The following SYN3 variants were observed in gnomAD, a reference collection of about 807,000 sequenced individuals.
SYN3 encodes the protein synapsin-3.
A neutral mutation model predicts 65.8 loss-of-function variants in SYN3; 35 were observed. That is an observed-to-expected ratio of 0.53 (90% CI 0.41 to 0.70). The LOEUF (loss-of-function observed/expected upper bound fraction) is 0.70, where lower values mean the gene tolerates loss of function less well. Ranked by LOEUF, SYN3 falls within the 30% of genes least tolerant of loss-of-function variation. The pLI is 0.00. For missense variants in SYN3, 680 were observed against 749.0 expected (o/e 0.91, Z 1.08); for synonymous variants, 270 against 292.9 (o/e 0.92, Z 0.80).
intron 6 of SYN3, among the ~76,000 whole-genome samples, chr22:32,663,160 T>G (rs1384828248): frequency 2.0e-5 from 3 of 152,188 alleles, no homozygotes; most frequent in Non-Finnish European, 4.4e-5. Flanking sequence ...CATGGTTGTG[T>G]AAGAGGAAAC....
At chr22:32,984,677 TA>T (rs552918659) in intron 2 of SYN3, among the ~76,000 whole-genome samples, 129 of 152,304 alleles carry the variant, frequency 8.5e-4, no homozygotes, top group Admixed American at 1.9e-3. Context: ...GAGGTGTGGC[TA>T]ATAAGGACCA....
chr22:32,677,536 T>C (rs5998574), intron 6 of SYN3, among the ~76,000 whole-genome samples: 51,912 of 152,026 alleles, frequency 0.34, 10,958 homozygotes, highest in East Asian at 0.67. Context: ...CGGTGGCTCA[T>C]GCCTGTAATC....
At chr22:32,572,491 T>TC (rs2058790935) in intron 7 of SYN3, among the ~76,000 whole-genome samples, 2 of 11,680 alleles carry the variant, frequency 1.7e-4, no homozygotes, top group East Asian at 3.6e-3. Flanking sequence ...CCCTTCCTTT[T>TC]CTTCCTTCCT....
chr22:32,676,681 C>T (rs2060449581), intron 6 of SYN3, among the ~76,000 whole-genome samples: 1 of 150,360 alleles, frequency 6.7e-6, no homozygotes, highest in South Asian at 2.1e-4. Context: ...GGACTACAGG[C>T]ACCCACCACC....
chr22:32,813,351 G>A (rs1306014622), intron 6 of SYN3, among the ~76,000 whole-genome samples: 1 of 152,172 alleles, frequency 6.6e-6, no homozygotes, highest in Non-Finnish European at 1.5e-5. Context: ...GAACCGTACA[G>A]TCCAGGTCCC....
chr22:32,663,401 C>T (rs2060245348), intron 6 of SYN3, among the ~76,000 whole-genome samples: 2 of 151,730 alleles, frequency 1.3e-5, no homozygotes, highest in Non-Finnish European at 2.9e-5. Flanking sequence ...CGGGTTCACG[C>T]CATTCTCCTG....
chr22:33,020,573 A>G (rs1311051215), intron 1 of SYN3, among the ~76,000 whole-genome samples: 1 of 152,198 alleles, frequency 6.6e-6, no homozygotes, highest in Non-Finnish European at 1.5e-5. Context: ...AGATTCACTG[A>G]GGTGACTCTA....
intron 6 of SYN3, among the ~76,000 whole-genome samples, chr22:32,813,524 C>T (rs1210893339): frequency 1.3e-5 from 2 of 150,100 alleles, no homozygotes; most frequent in South Asian, 2.1e-4. Context: ...CACACACACA[C>T]ACACACACAC....
chr22:32,553,714 G>A (rs757541002), intron 7 of SYN3, among the ~76,000 whole-genome samples: 1 of 152,144 alleles, frequency 6.6e-6, no homozygotes, highest in Non-Finnish European at 1.5e-5. Flanking sequence ...TGGCCTTTTG[G>A]TAGATAGGTC....
chr22:33,005,714 G>C (rs2053178154), intron 2 of SYN3, among the ~76,000 whole-genome samples: 1 of 152,208 alleles, frequency 6.6e-6, no homozygotes, highest in Non-Finnish European at 1.5e-5. Flanking sequence ...GTACCTGGGA[G>C]AGCTGAGATG....
intron 6 of SYN3, among the ~76,000 whole-genome samples, chr22:32,835,898 T>G (rs2083076043): frequency 6.6e-6 from 1 of 152,174 alleles, no homozygotes; most frequent in Non-Finnish European, 1.5e-5. Context: ...TTATGGAGAG[T>G]TAACTCCACC....
intron 6 of SYN3, among the ~76,000 whole-genome samples, chr22:32,638,806 T>A (rs1197285497): frequency 6.6e-6 from 1 of 152,152 alleles, no homozygotes; most frequent in African/African-American, 2.4e-5. Flanking sequence ...TGTGCAGAAG[T>A]TCTTTAGTTT....
intron 7 of SYN3, among the ~76,000 whole-genome samples, chr22:32,571,909 G>A (rs1241445295): frequency 1.3e-5 from 2 of 152,032 alleles, no homozygotes; most frequent in East Asian, 3.9e-4. Context: ...AAACTAATGA[G>A]AGTATCAGGC....
chr22:32,728,185 G>C (rs1417825492), intron 6 of SYN3, among the ~76,000 whole-genome samples: 2 of 152,226 alleles, frequency 1.3e-5, no homozygotes, highest in Non-Finnish European at 2.9e-5. Flanking sequence ...CACTGACAAA[G>C]GTTTCATGAT....
intron 7 of SYN3, among the ~76,000 whole-genome samples, chr22:32,549,866 G>A (rs1304570191): frequency 6.9e-6 from 1 of 144,946 alleles, no homozygotes; most frequent in Non-Finnish European, 1.5e-5. Context: ...TCCAGCCTGG[G>A]CAGCACAGCG....
chr22:32,582,205 C>G (rs966206362), intron 7 of SYN3, among the ~76,000 whole-genome samples: 1 of 152,188 alleles, frequency 6.6e-6, no homozygotes, highest in Non-Finnish European at 1.5e-5. Flanking sequence ...GGGCTTCTGA[C>G]TCATGGTAAT....
At chr22:32,732,532 C>G (rs1359215968) in intron 6 of SYN3, among the ~76,000 whole-genome samples, 1 of 152,172 alleles carries the variant, frequency 6.6e-6, no homozygotes, top group Non-Finnish European at 1.5e-5. Flanking sequence ...GGCTCTGGAG[C>G]CAGAAGGACA....
intron 6 of SYN3, among the ~76,000 whole-genome samples, chr22:32,658,187 C>A (rs1263759279): frequency 6.6e-6 from 1 of 152,190 alleles, no homozygotes; most frequent in African/African-American, 2.4e-5. Flanking sequence ...AAAGGCAGAG[C>A]CTAGGGTGAG....
intron 8 of SYN3, among the ~76,000 whole-genome samples, chr22:32,540,675 G>A (rs75089684): frequency 0.015 from 2,259 of 152,306 alleles, 67 homozygotes; most frequent in African/African-American, 0.052. Flanking sequence ...AAGGCGGGCT[G>A]CTTTTCTCTG....
Sources: gnomAD v4.1 joint callset for allele counts (sites outside exome capture counted in the v4.1 genomes callset) on GRCh38, gnomAD v4.1.1 for gene constraint, MANE v1.5 for transcripts, NCBI Gene and HGNC (gene_info 2026-07-23, HGNC 2026-07-21) for gene names.